Variants in FRMPD4 observed in about 807,000 individuals in gnomAD.
FRMPD4 encodes the protein FERM and PDZ domain containing 4.
A neutral mutation model predicts 94.1 loss-of-function variants in FRMPD4; 22 were observed. That is an observed-to-expected ratio of 0.23 (90% CI 0.17 to 0.33). The LOEUF (loss-of-function observed/expected upper bound fraction) is 0.33. FRMPD4 is among the 10% of genes least tolerant of loss of function. The pLI is 1.00. For synonymous variants in FRMPD4, 631 were observed against 548.6 expected (o/e 1.15, Z -2.10); for missense variants, 1,111 against 1,339.9 (o/e 0.83, Z 2.67).
intron 1 of FRMPD4, among the ~76,000 whole-genome samples, chrX:12,454,697 A>G (rs975325152): frequency 9.0e-6 from 1 of 111,341 alleles, no homozygotes; most frequent in Non-Finnish European, 1.9e-5. Flanking sequence ...GCTTTGCTGC[A>G]GATTCTTATC....
chrX:12,528,318 TG>T (rs764521469), intron 2 of FRMPD4, among the ~76,000 whole-genome samples: 8 of 95,370 alleles, frequency 8.4e-5, no homozygotes, highest in African/African-American at 2.2e-4. Context: ...TTTTTGTTTT[TG>T]TTTTTTTTTT....
chrX:12,225,008 C>T (rs1281192847), intron 1 of FRMPD4, among the ~76,000 whole-genome samples: 1 of 111,265 alleles, frequency 9.0e-6, no homozygotes, highest in Non-Finnish European at 1.9e-5. Flanking sequence ...GAAGCAGCTG[C>T]ACCAGATTCT....
At chrX:12,446,704 C>G (rs2057199882) in intron 1 of FRMPD4, among the ~76,000 whole-genome samples, 1 of 111,962 alleles carries the variant, frequency 8.9e-6, no homozygotes, top group South Asian at 3.8e-4. Context: ...TTTTGCCTTC[C>G]ACCATGATGG....
At chrX:12,294,381 A>C (rs188591001) in intron 1 of FRMPD4, among the ~76,000 whole-genome samples, 8 of 111,074 alleles carry the variant, frequency 7.2e-5, no homozygotes, top group African/African-American at 2.3e-4. Flanking sequence ...GATCTAAGTA[A>C]TTAAATCTGT....
At chrX:12,465,625 G>C (rs1439673266) in intron 1 of FRMPD4, among the ~76,000 whole-genome samples, 1 of 111,821 alleles carries the variant, frequency 8.9e-6, no homozygotes, top group African/African-American at 3.2e-5. Flanking sequence ...AAATTCACTG[G>C]AATTGTCTTT....
chrX:11,956,146 A>G (rs930932877), intron 3 of FRMPD4, among the ~76,000 whole-genome samples: 2 of 111,832 alleles, frequency 1.8e-5, no homozygotes, highest in African/African-American at 6.5e-5. Context: ...GTTTTGGAAG[A>G]TGAACTTTGG....
At chrX:12,118,376 C>CTT (rs79503771) in intron 3 of FRMPD4, among the ~76,000 whole-genome samples, 1 of 111,624 alleles carries the variant, frequency 9.0e-6, no homozygotes, top group Admixed American at 9.5e-5. Context: ...ACTTTCTTGT[C>CTT]TTTTTTTATA....
intron 4 of FRMPD4, among the ~76,000 whole-genome samples, chrX:12,644,512 T>C (rs7892227): frequency 0.047 from 5,254 of 111,101 alleles, 324 homozygotes; most frequent in African/African-American, 0.16. Context: ...ATGAGGAGAT[T>C]CTAGAACTGT....
intron 2 of FRMPD4, among the ~76,000 whole-genome samples, chrX:12,560,475 A>T (rs2058641709): frequency 2.4e-5 from 1 of 41,163 alleles, no homozygotes; most frequent in South Asian, 9.5e-4. Flanking sequence ...TTCTTTAAAA[A>T]TGAAAAAAAA....
At position 12,704,379 on chromosome X, in the gene FRMPD4, C is replaced by A; in HGVS notation, c.1091C>A (p.Thr364Asn). 2.6e-6 allele frequency: 3 copies of A among 1,174,031 alleles called. No individual in the cohort carries two copies. The highest frequency in any genetic ancestry group is 3.4e-6 in the Non-Finnish European group (3 of 869,871). Residue 364 changes from threonine to asparagine, a missense_variant, in exon 11 of 17, where the codon ACT becomes AAT. Transcript: ENST00000675598. ...TGCAGAAAAGAATGGGGATTAGAGA[C>A]TTTTCTTCCCTCTGCTGTGCTGCAA... Reference protein sequence around the residue: ...KYIEKEWGLETFLPSAVLQSM... With the variant: ...KYIEKEWGLENFLPSAVLQSM...
At chrX:12,237,478 A>T (rs1467871995) in intron 1 of FRMPD4, among the ~76,000 whole-genome samples, 1 of 112,217 alleles carries the variant, frequency 8.9e-6, no homozygotes, top group Non-Finnish European at 1.9e-5. Flanking sequence ...AAATATTTTC[A>T]ATTAAACTCA....
intron 1 of FRMPD4, among the ~76,000 whole-genome samples, chrX:12,370,755 G>A (rs537295859): frequency 8.9e-6 from 1 of 112,573 alleles, no homozygotes; most frequent in African/African-American, 3.2e-5. Context: ...TGCGACAGCT[G>A]GCCTTTGTAA....
intron 3 of FRMPD4, among the ~76,000 whole-genome samples, chrX:12,034,828 A>G (rs906064527): frequency 1.8e-5 from 2 of 112,395 alleles, no homozygotes; most frequent in African/African-American, 6.5e-5. Context: ...GGCCATGCGT[A>G]TGTGTGCGTG....
chrX:12,029,247 A>G (rs1482781815), intron 3 of FRMPD4, among the ~76,000 whole-genome samples: 2 of 112,189 alleles, frequency 1.8e-5, no homozygotes, highest in African/African-American at 6.5e-5. Flanking sequence ...ATATCTTTTC[A>G]TATGCTTATT....
At chrX:12,574,176 T>C (rs1481596865) in intron 2 of FRMPD4, among the ~76,000 whole-genome samples, 1 of 111,096 alleles carries the variant, frequency 9.0e-6, no homozygotes, top group African/African-American at 3.3e-5. Context: ...AATTTTTGTA[T>C]TGTTAGTAGA....
Position 12,248,313 on chromosome X carries a change from CTCTT to C in FRMPD4, c.41+109307_41+109310del, listed in dbSNP as rs113427736. Among the ~76,000 whole-genome samples, 469 of 112,434 alleles carry C rather than the reference CTCTT, an allele frequency of 4.2e-3. 5 individuals carry two copies. Among genetic ancestry groups the C allele is most frequent in the African/African-American group, 0.014 (438 of 30,979 alleles). On this transcript the variant is annotated intron_variant, in intron 1 of 16. Transcript: ENST00000675598. ...ACAACATATTCATTCTCTTGTCTCA[CTCTT>C]TCTTTGGCCACTTCCTTATTTCTAG...
intron 1 of FRMPD4, among the ~76,000 whole-genome samples, chrX:12,214,585 A>G (rs1441435782): frequency 4.4e-5 from 5 of 112,737 alleles, no homozygotes; most frequent in Non-Finnish European, 9.4e-5. Flanking sequence ...ATAGAACTCT[A>G]TAACACAAAT....
intron 1 of FRMPD4, among the ~76,000 whole-genome samples, chrX:12,301,195 A>T (rs1040150813): frequency 2.7e-5 from 3 of 111,449 alleles, no homozygotes; most frequent in African/African-American, 9.8e-5. Context: ...GACTCACTAC[A>T]GCTGGTTACA....
intron 1 of FRMPD4, among the ~76,000 whole-genome samples, chrX:12,458,483 G>C (rs985419367): frequency 1.8e-5 from 2 of 111,866 alleles, no homozygotes; most frequent in African/African-American, 6.5e-5. Flanking sequence ...TCTTGATTCA[G>C]AGGGTTGACT....
Sources: allele counts gnomAD v4.1 joint callset (sites outside exome capture counted in the v4.1 genomes callset), GRCh38; gene constraint gnomAD v4.1.1; transcripts MANE v1.5; gene names NCBI Gene and HGNC (gene_info 2026-07-23, HGNC 2026-07-21).